The following CNTNAP2 variants were observed in gnomAD, a reference collection of about 807,000 sequenced individuals.
The protein encoded by CNTNAP2 is contactin-associated protein-like 2.
A neutral mutation model predicts 155.2 loss-of-function variants in CNTNAP2; 98 were observed. The ratio of observed to expected loss-of-function variants is 0.63; its 90% CI spans 0.54 to 0.75. The LOEUF is 0.75. Ranked by LOEUF, CNTNAP2 falls within the 30% of genes least tolerant of loss-of-function variation. The pLI is 0.00. For missense variants in CNTNAP2, 1,727 were observed against 1,688.1 expected (o/e 1.02, Z -0.40); for synonymous variants, 651 against 631.2 (o/e 1.03, Z -0.47).
chr7:146,828,102 A>G (rs1585110746), intron 2 of CNTNAP2, among the ~76,000 whole-genome samples: 1 of 152,092 alleles, frequency 6.6e-6, no homozygotes, highest in African/African-American at 2.4e-5. Flanking sequence ...ATATTCTAAA[A>G]GAAACCCTGA....
chr7:146,420,402 C>G (rs916132688), intron 1 of CNTNAP2, among the ~76,000 whole-genome samples: 4 of 152,190 alleles, frequency 2.6e-5, no homozygotes, highest in African/African-American at 2.4e-5. Context: ...TTCCTTGAGT[C>G]TTGCCCATAT....
rs1385500330 is a variant in CNTNAP2, at chr7:147,076,266, T to G, written c.551-31881T>G. 3.3e-5 allele frequency among the ~76,000 whole-genome samples: 5 copies of G among 152,222 alleles called. 1 individual carries two copies. Among genetic ancestry groups the G allele is most frequent in the Non-Finnish European group, 7.3e-5 (5 of 68,046 alleles). Reference sequence around the variant, plus strand: ...CCCACCAACAGTGTAAAAGTGTTCCTATTTCTCCACATCCTCTCCAGCACC... The same window carrying G: ...CCCACCAACAGTGTAAAAGTGTTCCGATTTCTCCACATCCTCTCCAGCACC... On this transcript the variant is annotated intron_variant, in intron 4 of 23. Transcript: ENST00000361727.
intron 8 of CNTNAP2, among the ~76,000 whole-genome samples, chr7:147,168,083 A>G (rs1470336192): frequency 6.7e-6 from 1 of 148,890 alleles, no homozygotes; most frequent in Non-Finnish European, 1.5e-5. Context: ...TTATACATAT[A>G]TATGACACAT....
chr7:147,535,185 G>C (rs1054608784), intron 11 of CNTNAP2, among the ~76,000 whole-genome samples: 10 of 152,152 alleles, frequency 6.6e-5, no homozygotes, highest in Non-Finnish European at 1.2e-4. Flanking sequence ...CTGAGGTCAG[G>C]AGTTTGAGAC....
intron 4 of CNTNAP2, among the ~76,000 whole-genome samples, chr7:147,062,055 G>C (rs1433303115): frequency 6.9e-6 from 1 of 144,354 alleles, no homozygotes; most frequent in Admixed American, 7.2e-5. Context: ...GTGAACCCGG[G>C]AGGCAGAGCT....
At chr7:147,756,146 A>T (rs1430853407) in intron 13 of CNTNAP2, among the ~76,000 whole-genome samples, 3 of 152,220 alleles carry the variant, frequency 2.0e-5, no homozygotes, top group African/African-American at 7.2e-5. Context: ...CTCTAGATCA[A>T]GAATTTTGTT....
At chr7:148,154,753 A>G (rs1585155767) in intron 17 of CNTNAP2, among the ~76,000 whole-genome samples, 1 of 152,272 alleles carries the variant, frequency 6.6e-6, no homozygotes, top group East Asian at 1.9e-4. Flanking sequence ...TCTGACCAAC[A>G]TGGTGAATTT....
intron 18 of CNTNAP2, among the ~76,000 whole-genome samples, chr7:148,180,549 GA>G (rs569209567): frequency 2.1e-4 from 30 of 145,804 alleles, no homozygotes; most frequent in Admixed American, 1.3e-3. Context: ...TTTCTCAGAA[GA>G]AAAAAAAAAC....
intron 8 of CNTNAP2, among the ~76,000 whole-genome samples, chr7:147,246,056 C>CACATATATATGGCATATATATATAT (rs762550688): frequency 0.17 from 22,040 of 133,270 alleles, 3,671 homozygotes; most frequent in East Asian, 0.74. Flanking sequence ...TATATATATA[C>CACATATATATGGCATATATATATAT]ACATATATAT....
chr7:147,019,334 T>A (rs1191101278), intron 3 of CNTNAP2, among the ~76,000 whole-genome samples: 1 of 152,066 alleles, frequency 6.6e-6, no homozygotes, highest in Non-Finnish European at 1.5e-5. Context: ...AATAAATGCA[T>A]GATAGTTGAC....
At chr7:147,706,186 T>G (rs533229255) in intron 13 of CNTNAP2, among the ~76,000 whole-genome samples, 19 of 151,900 alleles carry the variant, frequency 1.3e-4, no homozygotes, top group East Asian at 3.9e-4. Context: ...TTGAGGTTTT[T>G]TTTTTTTTTT....
intron 14 of CNTNAP2, among the ~76,000 whole-genome samples, chr7:147,905,020 G>A (rs1249866568): frequency 6.6e-6 from 1 of 152,062 alleles, no homozygotes; most frequent in Non-Finnish European, 1.5e-5. Context: ...CATTCATTCA[G>A]TGAATCATCC....
chr7:146,382,818 C>T (rs866361520), intron 1 of CNTNAP2, among the ~76,000 whole-genome samples: 4 of 151,616 alleles, frequency 2.6e-5, no homozygotes, highest in African/African-American at 4.8e-5. Context: ...TATGACTAAC[C>T]GAGAAAAATG....
intron 3 of CNTNAP2, among the ~76,000 whole-genome samples, chr7:146,911,054 A>G (rs1199463255): frequency 1.3e-5 from 2 of 152,044 alleles, no homozygotes; most frequent in African/African-American, 4.8e-5. Context: ...CACATGAAAA[A>G]ATGCTCATCA....
At chr7:146,589,401 A>G (rs1798746970) in intron 1 of CNTNAP2, among the ~76,000 whole-genome samples, 1 of 152,188 alleles carries the variant, frequency 6.6e-6, no homozygotes, top group Non-Finnish European at 1.5e-5. Context: ...CGTGTACACC[A>G]TGGAATACTA....
chr7:147,233,744 A>G (rs1411173030), intron 8 of CNTNAP2, among the ~76,000 whole-genome samples: 1 of 151,870 alleles, frequency 6.6e-6, no homozygotes, highest in Non-Finnish European at 1.5e-5. Context: ...GAAAAAAGGA[A>G]AAAAGTCTTA....
chr7:147,689,056 A>G (rs1394751254), intron 13 of CNTNAP2, among the ~76,000 whole-genome samples: 2 of 152,088 alleles, frequency 1.3e-5, no homozygotes, highest in Admixed American at 6.6e-5. Flanking sequence ...TTGGGGAAAA[A>G]CCAGTCCTTG....
At chr7:148,390,699 C>A (rs1799326806) in intron 22 of CNTNAP2, among the ~76,000 whole-genome samples, 1 of 152,174 alleles carries the variant, frequency 6.6e-6, no homozygotes, top group Admixed American at 6.5e-5. Flanking sequence ...TGTCTGAGAT[C>A]ATAGTAAATG....
Position 147,211,806 on chromosome 7 carries a change from G to A in CNTNAP2, c.1348+79297G>A, listed in dbSNP as rs1603454. ...AACAAAAACAAAAATTGACAGGTGGGATCCAATTAAACTAAAGAAAATGTG... is the reference window on the plus strand; with the variant it reads ...AACAAAAACAAAAATTGACAGGTGGAATCCAATTAAACTAAAGAAAATGTG... On this transcript the variant is annotated intron_variant, in intron 8 of 23. Transcript: ENST00000361727. Among the ~76,000 whole-genome samples the A allele has an allele frequency of 2.8e-4, 43 of 152,060 alleles. 1 individual carries two copies. In the East Asian group the frequency reaches 8.3e-3, roughly 29 times the overall value.
Sources: gnomAD v4.1 joint callset for allele counts (sites outside exome capture counted in the v4.1 genomes callset) on GRCh38, gnomAD v4.1.1 for gene constraint, MANE v1.5 for transcripts, NCBI Gene and HGNC (gene_info 2026-07-23, HGNC 2026-07-21) for gene names.